The following NFIB variants were observed in gnomAD, a reference collection of about 807,000 sequenced individuals.
NFIB encodes the protein nuclear factor I B.
Under a neutral mutation model 61.5 loss-of-function variants are expected in NFIB, and 11 were observed. That is an observed-to-expected ratio of 0.18 (90% confidence interval 0.11 to 0.30). NFIB has a LOEUF of 0.30. Ranked by LOEUF, NFIB falls within the 10% of genes least tolerant of loss-of-function variation. The pLI is 1.00. For synonymous variants in NFIB, 260 were observed against 216.5 expected, an observed-to-expected ratio of 1.20 and a Z score of -1.76; for missense variants, 471 against 608.9, an observed-to-expected ratio of 0.77 and a Z score of 2.38.
chr9:14,196,688 TAAA>T (rs35353437), intron 2 of NFIB, among the ~76,000 whole-genome samples: 40 of 140,400 alleles, frequency 2.8e-4, no homozygotes, highest in African/African-American at 4.2e-4. Flanking sequence ...TATTCTAACT[TAAA>T]AAAAAAAAAA....
the NFIB span, among the ~76,000 whole-genome samples, chr9:14,506,067 C>G: frequency 6.6e-6 from 1 of 152,026 alleles, no homozygotes; most frequent in Non-Finnish European, 1.5e-5. Flanking sequence ...ACATGCTAGA[C>G]AAAATAAAAA....
intron 2 of NFIB, among the ~76,000 whole-genome samples, chr9:14,266,815 G>C (rs550033959): frequency 1.3e-5 from 2 of 151,244 alleles, no homozygotes; most frequent in East Asian, 1.9e-4. Context: ...TTCTGTTCTC[G>C]GTCAGATCCT....
the NFIB span, among the ~76,000 whole-genome samples, chr9:14,501,918 C>A: frequency 6.6e-6 from 1 of 152,128 alleles, no homozygotes; most frequent in Non-Finnish European, 1.5e-5. Flanking sequence ...ACAGGCAGGG[C>A]CCAGGGTCAC....
chr9:14,095,526 C>T (rs2034638157), intron 10 of NFIB, among the ~76,000 whole-genome samples: 1 of 152,094 alleles, frequency 6.6e-6, no homozygotes, highest in African/African-American at 2.4e-5. Flanking sequence ...AAAAGTGGTA[C>T]TGCTCCTCTT....
intron 1 of NFIB, among the ~76,000 whole-genome samples, chr9:14,334,257 G>C (rs2060857442): frequency 6.6e-6 from 1 of 152,176 alleles, no homozygotes; most frequent in Admixed American, 6.5e-5. Context: ...CAGTTATAAA[G>C]TATGCCTGTG....
upstream of NFIB, among the ~76,000 whole-genome samples, chr9:14,318,030 C>T (rs1435833194): frequency 6.6e-6 from 1 of 152,136 alleles, no homozygotes; most frequent in African/African-American, 2.4e-5. Flanking sequence ...TTCATCTCTC[C>T]CTCCCACACT....
chr9:14,129,990 C>T (rs572774099), intron 6 of NFIB, among the ~76,000 whole-genome samples: 16 of 152,188 alleles, frequency 1.1e-4, no homozygotes, highest in African/African-American at 3.9e-4. Flanking sequence ...TAAAATCAGA[C>T]AGAACAATTT....
the NFIB span, among the ~76,000 whole-genome samples, chr9:14,498,792 T>TTCTTTTG: frequency 4.3e-5 from 1 of 23,244 alleles, no homozygotes; most frequent in African/African-American, 2.0e-4. Context: ...CCTCCCTCCC[T>TTCTTTTG]CCCTCCCTTC....
intron 6 of NFIB, among the ~76,000 whole-genome samples, chr9:14,145,828 T>A (rs1012073762): frequency 6.6e-6 from 1 of 151,902 alleles, no homozygotes; most frequent in South Asian, 2.1e-4. Flanking sequence ...CGTTTTATTT[T>A]TTTTTTGTAG....
rs114792080 is a variant in NFIB at position 14,123,753 on chromosome 9, C to T, written c.1060+1879G>A. ...TGCCTCTCTGCCTCCCAGTTTGCCCCTCTTCCTCTTAGTTTGCCCCTCTGC... is the reference window on the plus strand; with the variant it reads ...TGCCTCTCTGCCTCCCAGTTTGCCCTTCTTCCTCTTAGTTTGCCCCTCTGC... On this transcript the variant is annotated intron_variant, in intron 7 of 10. Transcript: ENST00000380953. Among the ~76,000 whole-genome samples, 780 of 152,142 alleles carry T rather than the reference C, an allele frequency of 5.1e-3. 7 individuals carry two copies. The highest frequency in any genetic ancestry group is 0.016 in the African/African-American group (679 of 41,514).
chr9:14,240,838 G>C (rs945673843), intron 2 of NFIB, among the ~76,000 whole-genome samples: 1 of 152,166 alleles, frequency 6.6e-6, no homozygotes, highest in East Asian at 1.9e-4. Flanking sequence ...ACAGAAAGCA[G>C]ACAAACTCTC....
intron 9 of NFIB, 36 bp from the exon 10 acceptor site, chr9:14,113,117 G>C (rs1235367913): frequency 6.5e-7 from 1 of 1,537,764 alleles, no homozygotes; most frequent in Non-Finnish European, 8.8e-7. Flanking sequence ...GATAAAAATT[G>C]TGAACTATCA....
At chr9:14,217,680 A>AAAAAAAAAAAAAAAAAAAAAAC (rs1489367237) in intron 2 of NFIB, among the ~76,000 whole-genome samples, 1 of 145,594 alleles carries the variant, frequency 6.9e-6, no homozygotes, top group African/African-American at 2.5e-5. Flanking sequence ...AAAAAAAAAA[A>AAAAAAAAAAAAAAAAAAAAAAC]AGACACAAAC....
the NFIB span, among the ~76,000 whole-genome samples, chr9:14,526,539 T>A: frequency 6.6e-6 from 1 of 152,182 alleles, no homozygotes; most frequent in South Asian, 2.1e-4. Context: ...ATATCCTGAC[T>A]TTTTTGCACA....
At chr9:14,227,634 G>A (rs1280132652) in intron 2 of NFIB, among the ~76,000 whole-genome samples, 1 of 152,042 alleles carries the variant, frequency 6.6e-6, no homozygotes. Context: ...TTTCTCCAAT[G>A]TTGTTGATGA....
intron 7 of NFIB, among the ~76,000 whole-genome samples, chr9:14,125,076 A>G (rs893186045): frequency 1.3e-5 from 2 of 152,230 alleles, no homozygotes; most frequent in African/African-American, 4.8e-5. Context: ...TATTTTCCAC[A>G]TTCTTCTGAT....
At chr9:14,519,382 A>G in the NFIB span, among the ~76,000 whole-genome samples, 4 of 152,206 alleles carry the variant, frequency 2.6e-5, no homozygotes, top group African/African-American at 9.7e-5. Context: ...AAATACACTA[A>G]ACAGGAGCTC....
chr9:14,244,419 G>T (rs1319040824), intron 2 of NFIB, among the ~76,000 whole-genome samples: 1 of 152,148 alleles, frequency 6.6e-6, no homozygotes, highest in East Asian at 1.9e-4. Flanking sequence ...TTAAATGAGA[G>T]ACATTCAAAA....
chr9:14,296,636 T>G (rs771011067), intron 2 of NFIB, among the ~76,000 whole-genome samples: 1 of 152,210 alleles, frequency 6.6e-6, no homozygotes, highest in Admixed American at 6.5e-5. Context: ...CAAGGAGAAG[T>G]TGGCACTCTG....
Sources: gnomAD v4.1 joint callset for allele counts (sites outside exome capture counted in the v4.1 genomes callset) on GRCh38, gnomAD v4.1.1 for gene constraint, MANE v1.5 for transcripts, NCBI Gene and HGNC (gene_info 2026-07-23, HGNC 2026-07-21) for gene names.